The following CNKSR3 variants were observed in gnomAD, a reference collection of about 807,000 sequenced individuals.
CNKSR3 encodes CNKSR family member 3, also known as connector enhancer of kinase suppressor of ras 3.
In CNKSR3, 36 loss-of-function variants were observed where a neutral mutation model predicts 67.7. The ratio of observed to expected loss-of-function variants is 0.53; its 90% CI spans 0.41 to 0.70. The LOEUF (loss-of-function observed/expected upper bound fraction) is 0.70, where lower values mean the gene tolerates loss of function less well. Ranked by LOEUF, CNKSR3 falls within the 30% of genes least tolerant of loss-of-function variation. The pLI, the probability that CNKSR3 is intolerant of heterozygous loss-of-function variation, is 0.00. For synonymous variants in CNKSR3, 281 were observed against 271.4 expected, an observed-to-expected ratio of 1.04 and a Z score of -0.35; for missense variants, 630 against 695.2, an observed-to-expected ratio of 0.91 and a Z score of 1.05.
In CNKSR3 at chr6:154,399,592, C is replaced by T. The variant is rs1562313889; in HGVS notation, c.*6762G>A. On this transcript the variant is annotated 3_prime_UTR_variant, in exon 13 of 13. Coordinates refer to ENST00000607772, the MANE Select transcript of CNKSR3 (RefSeq NM_173515.4). ...GCTTCTATCTGCTTGATGCAAATTC[C>T]CAAAAGTCAAAGGCTTCTAAATTCG... 6.6e-6 allele frequency: 1 copy of T among 151,934 alleles called. No homozygotes were observed. The highest frequency in any genetic ancestry group is 1.5e-5 in the Non-Finnish European group (1 of 68,010). 9.4% of individuals were successfully genotyped at this position (151,934 alleles called of 1,614,324 possible). A position where few individuals can be genotyped will look rare whatever the true frequency, so the allele number is the denominator to read the frequency against.
intron 1 of CNKSR3, among the ~76,000 whole-genome samples, chr6:154,506,295 G>A (rs945716468): frequency 5.3e-5 from 8 of 152,008 alleles, no homozygotes; most frequent in Non-Finnish European, 1.0e-4. Flanking sequence ...GAAAAGAAAG[G>A]AAAAGAGAGG....
chr6:154,425,022 T>G (rs142201925), intron 7 of CNKSR3, among the ~76,000 whole-genome samples: 3 of 152,348 alleles, frequency 2.0e-5, no homozygotes, highest in African/African-American at 7.2e-5. Context: ...TCCGCCCGCC[T>G]TGGCCTCCCA....
intron 1 of CNKSR3, among the ~76,000 whole-genome samples, chr6:154,466,617 T>G (rs886927027): frequency 6.6e-6 from 1 of 151,926 alleles, no homozygotes; most frequent in African/African-American, 2.4e-5. Context: ...CAATTGCTTT[T>G]TTGGTTTTTG....
intron 1 of CNKSR3, among the ~76,000 whole-genome samples, chr6:154,496,848 C>G (rs1213018787): frequency 6.6e-6 from 1 of 152,132 alleles, no homozygotes; most frequent in African/African-American, 2.4e-5. Flanking sequence ...TTCCCTCATC[C>G]TCAAAACCTT....
At chr6:154,447,605 GAAT>G (rs1175105885) in intron 2 of CNKSR3, among the ~76,000 whole-genome samples, 4 of 152,124 alleles carry the variant, frequency 2.6e-5, no homozygotes, top group African/African-American at 9.7e-5. Flanking sequence ...ACCAGTTTTG[GAAT>G]CTTCATTAAT....
At position 154,406,040 on chromosome 6, in the gene CNKSR3, A is replaced by G. The variant is rs1165204998; in HGVS notation, c.*314T>C. 7.5e-6 allele frequency: 2 copies of G among 267,394 alleles called. No individual in the cohort carries two copies. The highest frequency in any genetic ancestry group is 1.4e-5 in the Non-Finnish European group (2 of 140,674). 16.6% of individuals were successfully genotyped at this position (267,394 alleles called of 1,614,324 possible). ...GGAACAATGCCACCAGTCCCTCACA[A>G]TGACCATAACGTCTCTGGCCAGGAC... On this transcript the variant is annotated 3_prime_UTR_variant, in exon 13 of 13. Transcript: ENST00000607772.
At chr6:154,483,706 ATCTCCCTC>A (rs1786612554) in intron 1 of CNKSR3, among the ~76,000 whole-genome samples, 2 of 151,800 alleles carry the variant, frequency 1.3e-5, no homozygotes, top group Admixed American at 6.6e-5. Flanking sequence ...AACTCACTCA[ATCTCCCTC>A]TCTCCCTCTC....
rs533827997 is a variant in CNKSR3, at chr6:154,489,458, G to T, written c.52+20605C>A. On this transcript the variant is annotated intron_variant, in intron 1 of 12. Coordinates refer to ENST00000607772, the MANE Select transcript of CNKSR3 (RefSeq NM_173515.4). ...AGGCACAAGAATCGCTTGAACCCGG[G>T]AGGTGGAGGTTGCAGTAAGCCGAGA... Among the ~76,000 whole-genome samples, 273 of 152,136 alleles carry T rather than the reference G, an allele frequency of 1.8e-3. 2 individuals are homozygous for T. Among genetic ancestry groups the T allele is most frequent in the Non-Finnish European group, 3.0e-3 (202 of 67,996 alleles).
rs1050959079 is a variant in CNKSR3, at chr6:154,510,337, C to G, written c.-223G>C. 57 of 551,020 alleles carry G rather than the reference C, an allele frequency of 1.0e-4. No homozygotes were observed. The African/African-American group carries it at 1.1e-3, about 11-fold the overall frequency. 34.1% of individuals were successfully genotyped at this position (551,020 alleles called of 1,614,324 possible). ...CTGCCACAGTCCAGCTGCAGCTCCT[C>G]CTTCCCCCGCCGCCGCCGGGATCCC... On this transcript the variant is annotated 5_prime_UTR_variant, in exon 1 of 13. Transcript: ENST00000607772.
At chr6:154,409,115 T>G (rs1397774958) in intron 12 of CNKSR3, among the ~76,000 whole-genome samples, 1 of 152,220 alleles carries the variant, frequency 6.6e-6, no homozygotes, top group Non-Finnish European at 1.5e-5. Context: ...CTTTCCCTTT[T>G]TCACTTTAGC....
intron 4 of CNKSR3, 143 bp from the exon 5 acceptor site, chr6:154,433,650 G>A (rs1785413923): frequency 4.7e-6 from 3 of 640,604 alleles, no homozygotes; most frequent in Admixed American, 2.8e-5. Flanking sequence ...GCAGGACTGG[G>A]ATGGGAATGA....
chr6:154,484,951 G>C (rs752249873), intron 1 of CNKSR3, among the ~76,000 whole-genome samples: 1 of 152,128 alleles, frequency 6.6e-6, no homozygotes, highest in Non-Finnish European at 1.5e-5. Flanking sequence ...CCCTGTCTCA[G>C]GCCTTTGGAG....
intron 1 of CNKSR3, among the ~76,000 whole-genome samples, chr6:154,467,224 C>G (rs1172595079): frequency 6.6e-6 from 1 of 152,138 alleles, no homozygotes; most frequent in Non-Finnish European, 1.5e-5. Context: ...TCACCTCCAT[C>G]CCTCATGGCC....
chr6:154,430,827 CCACTGAAGAG>C (rs1487397029), intron 5 of CNKSR3, among the ~76,000 whole-genome samples: 4 of 152,180 alleles, frequency 2.6e-5, no homozygotes, highest in Admixed American at 6.5e-5. Flanking sequence ...TCCTTTATGG[CCACTGAAGAG>C]CACAGGCCAG....
In CNKSR3 at chr6:154,400,423, C is replaced by T. The variant is rs6917661; in HGVS notation, c.*5931G>A. On this transcript the variant is annotated 3_prime_UTR_variant, in exon 13 of 13. Transcript: ENST00000607772. ...AGAATATGCCTATGGATGGCCAAGT[C>T]ACAACCAGAATTGAGTCCTTAATCA... 40,942 of 152,040 alleles carry T rather than the reference C, an allele frequency of 0.27. 5,968 individuals are homozygous for T. Among genetic ancestry groups the T allele is most frequent in the Admixed American group, 0.38 (5,745 of 15,262 alleles). 9.4% of individuals were successfully genotyped at this position (152,040 alleles called of 1,614,324 possible).
At chr6:154,421,899 T>C (rs1785151513) in intron 9 of CNKSR3, among the ~76,000 whole-genome samples, 1 of 152,124 alleles carries the variant, frequency 6.6e-6, no homozygotes, top group African/African-American at 2.4e-5. Flanking sequence ...CACTGTCCGA[T>C]ATGGGAGTCA....
chr6:154,436,057 G>A (rs773506360), intron 4 of CNKSR3, among the ~76,000 whole-genome samples: 5 of 152,226 alleles, frequency 3.3e-5, no homozygotes, highest in Non-Finnish European at 7.3e-5. Flanking sequence ...TGTGTCAAGC[G>A]TGGATGCACA....
chr6:154,476,031 T>C (rs1786439352), intron 1 of CNKSR3, among the ~76,000 whole-genome samples: 1 of 152,086 alleles, frequency 6.6e-6, no homozygotes, highest in African/African-American at 2.4e-5. Flanking sequence ...ATATCATTTT[T>C]TTTTTTCGGA....
At chr6:154,434,209 T>C (rs930080145) in intron 4 of CNKSR3, 1 of 152,210 alleles carries the variant, frequency 6.6e-6, no homozygotes, top group Non-Finnish European at 1.5e-5. Context: ...GAATCACCAT[T>C]GTCTTGTCTA....
Sources: gnomAD v4.1 joint callset for allele counts (sites outside exome capture counted in the v4.1 genomes callset) on GRCh38, gnomAD v4.1.1 for gene constraint, MANE v1.5 for transcripts, NCBI Gene and HGNC (gene_info 2026-07-23, HGNC 2026-07-21) for gene names.